The following ATP2B1 variants were observed in gnomAD, a reference collection of about 807,000 sequenced individuals.
ATP2B1 encodes plasma membrane calcium-transporting ATPase 1.
ATP2B1 carries 14 observed loss-of-function variants against 124.2 expected under a neutral mutation model. The ratio of observed to expected loss-of-function variants is 0.11; its 90% CI spans 0.07 to 0.18. ATP2B1 has a LOEUF of 0.18. ATP2B1 is among the 10% of genes least tolerant of loss of function. The pLI, the probability that ATP2B1 is intolerant of heterozygous loss-of-function variation, is 1.00. For missense variants in ATP2B1, 763 were observed against 1,466.1 expected, an observed-to-expected ratio of 0.52 and a Z score of 7.83; for synonymous variants, 449 against 492.4, an observed-to-expected ratio of 0.91 and a Z score of 1.17.
At chr12:89,602,890 T>C (rs911755184) in intron 18 of ATP2B1, among the ~76,000 whole-genome samples, 153 bp downstream of exon 18, 2 of 152,238 alleles carry the variant, frequency 1.3e-5, no homozygotes, top group African/African-American at 4.8e-5. Flanking sequence ...TCCCATATTC[T>C]TTAACATATA....
At chr12:89,628,255 A>G (rs2136137803) in intron 6 of ATP2B1, among the ~76,000 whole-genome samples, 1 of 152,208 alleles carries the variant, frequency 6.6e-6, no homozygotes, top group African/African-American at 2.4e-5. Flanking sequence ...ATAAAAAATT[A>G]GCCGGGTGTG....
At chr12:89,675,582 T>C (rs1236971368) in intron 1 of ATP2B1, among the ~76,000 whole-genome samples, 1 of 152,156 alleles carries the variant, frequency 6.6e-6, no homozygotes, top group African/African-American at 2.4e-5. Flanking sequence ...ATGGCACTGC[T>C]AGAAAAACAC....
At chr12:89,658,553 A>T (rs1408524221) in intron 1 of ATP2B1, among the ~76,000 whole-genome samples, 2 of 145,372 alleles carry the variant, frequency 1.4e-5, no homozygotes, top group Non-Finnish European at 3.0e-5. Context: ...CCTATGTGCC[A>T]ATCTGTCTTT....
chr12:89,697,426 A>C (rs991197472), intron 1 of ATP2B1, among the ~76,000 whole-genome samples: 2 of 152,158 alleles, frequency 1.3e-5, no homozygotes, highest in Non-Finnish European at 2.9e-5. Context: ...GTCTTCACTA[A>C]AGAAATGTTC....
At chr12:89,647,595 T>A (rs1565868168) in intron 2 of ATP2B1, among the ~76,000 whole-genome samples, 1 of 152,348 alleles carries the variant, frequency 6.6e-6, no homozygotes, top group East Asian at 1.9e-4. Context: ...TACAGTCTTA[T>A]CAAATTCTGT....
chr12:89,663,198 A>G (rs74840686), intron 1 of ATP2B1, among the ~76,000 whole-genome samples: 16 of 152,352 alleles, frequency 1.1e-4, no homozygotes, highest in African/African-American at 2.6e-4. Context: ...GTTAGGTGTT[A>G]GATGAGTTAA....
At chr12:89,666,892 C>T (rs1161551375) in intron 1 of ATP2B1, among the ~76,000 whole-genome samples, 1 of 152,136 alleles carries the variant, frequency 6.6e-6, no homozygotes, top group Non-Finnish European at 1.5e-5. Context: ...CATCCCCTTT[C>T]TCTTGGTTTC....
intron 20 of ATP2B1, among the ~76,000 whole-genome samples, chr12:89,597,865 A>G (rs1565797006): frequency 1.3e-5 from 2 of 152,156 alleles, no homozygotes; most frequent in East Asian, 1.9e-4. Flanking sequence ...CGATTAATCA[A>G]TAGTATACTT....
At chr12:89,624,499 A>G (rs1463085638) in intron 8 of ATP2B1, 102 bp from the exon 9 acceptor site, 1 of 923,732 alleles carries the variant, frequency 1.1e-6, no homozygotes, top group Non-Finnish European at 1.6e-6. Context: ...AACTTGCTTG[A>G]TAGTATTGAA....
chr12:89,691,708 T>G (rs1333718330), intron 1 of ATP2B1, among the ~76,000 whole-genome samples: 4 of 152,114 alleles, frequency 2.6e-5, no homozygotes, highest in African/African-American at 9.7e-5. Flanking sequence ...ACAGATAAAC[T>G]TAAGAGCCAT....
Position 89,609,925 on chromosome 12 carries a change from G to A in ATP2B1, c.2442+12C>T. The A allele has an allele frequency of 6.2e-7, 1 of 1,608,998 alleles. No homozygotes were observed. The highest frequency in any genetic ancestry group is 8.5e-7 in the Non-Finnish European group (1 of 1,176,718). ...AAATTACGTTTGGATATTTGAATGA[G>A]TAAATTCTTACCATTGCAAATCCAA... On this transcript the variant is annotated intron_variant, in intron 15 of 20. Transcript: ENST00000428670.
chr12:89,637,595 C>T (rs761492121), intron 3 of ATP2B1, among the ~76,000 whole-genome samples: 2 of 151,954 alleles, frequency 1.3e-5, no homozygotes, highest in Middle Eastern at 3.2e-3. Flanking sequence ...GATGGGATCT[C>T]GCCACATTGC....
chr12:89,703,108 G>A (rs773517329), intron 1 of ATP2B1, among the ~76,000 whole-genome samples: 2 of 152,120 alleles, frequency 1.3e-5, no homozygotes, highest in Non-Finnish European at 2.9e-5. Context: ...GTCTTGAGAT[G>A]AACCTGCTTT....
At chr12:89,600,252 G>C (rs1040264831) in intron 19 of ATP2B1, among the ~76,000 whole-genome samples, 9 of 152,194 alleles carry the variant, frequency 5.9e-5, no homozygotes, top group Non-Finnish European at 8.8e-5. Context: ...AGGAAAACCT[G>C]AAAGTCTGGT....
chr12:89,595,681 A>G (rs1208551114), intron 20 of ATP2B1, among the ~76,000 whole-genome samples: 1 of 152,134 alleles, frequency 6.6e-6, no homozygotes, highest in Non-Finnish European at 1.5e-5. Flanking sequence ...ACATAGTTCT[A>G]TATTTTGGCT....
At chr12:89,610,158 A>G in intron 14 of ATP2B1, 115 bp from the exon 15 acceptor site, 3 of 1,000,672 alleles carry the variant, frequency 3.0e-6, no homozygotes, top group Non-Finnish European at 4.3e-6. Context: ...ATAAACAAAT[A>G]TAAAAATGGA....
chr12:89,592,050 CA>C (rs2135843060), intron 20 of ATP2B1, among the ~76,000 whole-genome samples: 1 of 152,094 alleles, frequency 6.6e-6, no homozygotes, highest in South Asian at 2.1e-4. Context: ...CCCAAGAAGA[CA>C]CAAAGTGTTA....
Position 89,656,045 on chromosome 12 carries a change from G to C in ATP2B1, c.-159C>G. On this transcript the variant is annotated 5_prime_UTR_variant, in exon 2 of 21. Coordinates refer to ENST00000428670, the MANE Select transcript of ATP2B1 (RefSeq NM_001366521.1). ...GCAGCATCAGCAGCAACATTTCCCA[G>C]AGAAGTATCTTGACCTTTGGCCCAT... 2 of 707,392 alleles carry C rather than the reference G, an allele frequency of 2.8e-6. No homozygotes were observed. Among genetic ancestry groups the C allele is most frequent in the Non-Finnish European group, 4.5e-6 (2 of 446,992 alleles). 43.8% of individuals were successfully genotyped at this position (707,392 alleles called of 1,614,324 possible). A position where few individuals can be genotyped will look rare whatever the true frequency, so the allele number is the denominator to read the frequency against.
At chr12:89,598,671 T>C (rs1354078709) in intron 20 of ATP2B1, 1 of 1,614,024 alleles carries the variant, frequency 6.2e-7, no homozygotes, top group Non-Finnish European at 8.5e-7. Flanking sequence ...TGATGCTGGC[T>C]GGCGATGGAG....
Sources: allele counts gnomAD v4.1 joint callset (sites outside exome capture counted in the v4.1 genomes callset), GRCh38; gene constraint gnomAD v4.1.1; transcripts MANE v1.5; gene names NCBI Gene and HGNC (gene_info 2026-07-23, HGNC 2026-07-21).